The following POLR3A variants were observed in gnomAD, a reference collection of about 807,000 sequenced individuals.
POLR3A encodes the protein RNA polymerase III subunit A, also known as DNA-directed RNA polymerase III subunit RPC1.
In POLR3A, 112 loss-of-function variants were observed where a neutral mutation model predicts 152.8. That is an observed-to-expected ratio of 0.73 (90% confidence interval 0.63 to 0.86). The LOEUF (loss-of-function observed/expected upper bound fraction) is 0.86, where lower values mean the gene tolerates loss of function less well. Ranked by LOEUF, POLR3A falls within the 40% of genes least tolerant of loss-of-function variation. POLR3A has a pLI of 0.00. For synonymous variants in POLR3A, 615 were observed against 652.1 expected, an observed-to-expected ratio of 0.94 and a Z score of 0.87; for missense variants, 1,385 against 1,743.1, an observed-to-expected ratio of 0.79 and a Z score of 3.66.
chr10:78,019,458 T>C, intron 8 of POLR3A, 193 bp from the exon 9 acceptor site: 1 of 607,586 alleles, frequency 1.6e-6, no homozygotes. Flanking sequence ...CAGCTTCCAG[T>C]GTCAACTCAG....
At position 78,019,160 on chromosome 10, in the gene POLR3A, A is replaced by G. The variant is rs1462421304; in HGVS notation, c.1289+2T>C. 6.2e-7 allele frequency: 1 copy of G among 1,603,762 alleles called. No homozygotes were observed. The highest frequency in any genetic ancestry group is 8.5e-7 in the Non-Finnish European group (1 of 1,170,646). On this transcript the variant is annotated splice_donor_variant, in intron 9 of 30. Coordinates refer to ENST00000372371, the MANE Select transcript of POLR3A (RefSeq NM_007055.4). LOFTEE classifies it high-confidence loss of function. ...AATCCAACTAGATTGGGAAAAGATT[A>G]CCTTTTCATCTGCGTATGTCTCTGC...
chr10:78,029,253 G>C, intron 1 of POLR3A, 111 bp downstream of exon 1: 1 of 1,066,896 alleles, frequency 9.4e-7, no homozygotes, highest in Non-Finnish European at 1.5e-6. Flanking sequence ...TGGACTACTG[G>C]CCCTCCCCTT....
At chr10:78,002,332 T>C (rs1420856710) in intron 16 of POLR3A, 24 bp from the exon 17 acceptor site, 2 of 1,404,100 alleles carry the variant, frequency 1.4e-6, no homozygotes, top group Non-Finnish European at 9.9e-7. Flanking sequence ...AGGAGATCCT[T>C]GGTGGGTTGT....
At chr10:78,019,069 G>T in intron 9 of POLR3A, 93 bp downstream of exon 9, 1 of 901,278 alleles carries the variant, frequency 1.1e-6, no homozygotes. Context: ...CACGCAAACT[G>T]TATTTCTGGA....
rs267608673 is a variant in POLR3A at position 78,021,617 on chromosome 10, C to T, written c.1114G>A (p.Asp372Asn). The T allele has an allele frequency of 4.3e-6, 7 of 1,613,954 alleles. No homozygotes were observed. Among genetic ancestry groups the T allele is most frequent in the Admixed American group, 1.7e-5 (1 of 59,980 alleles). ...ACCTCATCAATCCGGAGGTTGGGGT[C>T]GGGCGAGATGACTGTTCTGCCAGAA... ...DFSGRTVISPDPNLRIDEVAV... is the reference protein window; with the variant it reads ...DFSGRTVISPNPNLRIDEVAV... The change falls in exon 8 of 31, where the codon GAC becomes AAC. Residue 372 changes from aspartate to asparagine, a missense_variant. By Grantham distance (23) the Asp-to-Asn change is conservative. Transcript: ENST00000372371.
intron 14 of POLR3A, 31 bp downstream of exon 14, chr10:78,009,505 TC>T: frequency 6.2e-7 from 1 of 1,614,168 alleles, no homozygotes; most frequent in Middle Eastern, 1.7e-4. Flanking sequence ...GTCACGTTCC[TC>T]CTTCTCCCCA....
intron 17 of POLR3A, 25 bp from the exon 18 acceptor site, chr10:78,001,119 A>G (rs1847353026): frequency 8.2e-7 from 1 of 1,223,528 alleles, no homozygotes; most frequent in Non-Finnish European, 1.2e-6. Context: ...CAGAAATGTA[A>G]CATTCATTTA....
chr10:78,007,012 C>T (rs977550213), intron 15 of POLR3A, among the ~76,000 whole-genome samples: 4 of 151,786 alleles, frequency 2.6e-5, no homozygotes, highest in African/African-American at 7.3e-5. Context: ...CGAGAGGCTG[C>T]GTGAGCCAAG....
chr10:78,001,765 A>AG (rs1847359389), intron 17 of POLR3A, among the ~76,000 whole-genome samples: 1 of 152,060 alleles, frequency 6.6e-6, no homozygotes, highest in Admixed American at 6.5e-5. Flanking sequence ...CCTCCTGATT[A>AG]GCTGGGACGA....
chr10:77,993,096 T>G, intron 20 of POLR3A, 101 bp downstream of exon 20: 1 of 883,940 alleles, frequency 1.1e-6, no homozygotes. Flanking sequence ...TTATAAATAC[T>G]GAAGTATTTA....
At chr10:78,027,365 A>G (rs1299946147) in intron 1 of POLR3A, among the ~76,000 whole-genome samples, 1 of 152,236 alleles carries the variant, frequency 6.6e-6, no homozygotes, top group African/African-American at 2.4e-5. Flanking sequence ...ATTTATTTAA[A>G]TAACATAAAT....
rs770126246 is a variant in POLR3A, at chr10:77,981,535, C to T, written c.3784G>A (p.Ala1262Thr). 6.2e-7 allele frequency: 1 copy of T among 1,614,022 alleles called. No homozygotes were observed. Among genetic ancestry groups the T allele is most frequent in the South Asian group, 1.1e-5 (1 of 91,078 alleles). ...YEVEKTLGIE[A>T]ARTTIINEIQ... ...TCATTGATGATCGTTGTCCGGGCGG[C>T]CTCGATGCCCAGAGTTTTCTCCACC... The change falls in exon 29 of 31, where the codon GCC (alanine) becomes ACC (threonine). Residue 1262 changes from alanine (A) to threonine (T), a missense_variant. Transcript: ENST00000372371.
chr10:78,001,952 AT>A (rs976492804), intron 17 of POLR3A, among the ~76,000 whole-genome samples: 2 of 151,182 alleles, frequency 1.3e-5, no homozygotes, highest in Non-Finnish European at 1.5e-5. Flanking sequence ...ATCTGGCCTC[AT>A]TTTTTTTTAA....
intron 10 of POLR3A, 99 bp downstream of exon 10, chr10:78,017,476 G>A: frequency 8.1e-7 from 1 of 1,231,548 alleles, no homozygotes; most frequent in Admixed American, 2.0e-5. Flanking sequence ...GAAAACTTGA[G>A]ATAACAGGCA....
At chr10:77,991,807 G>T (rs1847251058) in intron 20 of POLR3A, among the ~76,000 whole-genome samples, 1 of 152,206 alleles carries the variant, frequency 6.6e-6, no homozygotes, top group Admixed American at 6.5e-5. Flanking sequence ...TTACAAGCGT[G>T]AGCCCCAGCA....
At chr10:78,025,879 A>T (rs907277656) in intron 2 of POLR3A, 120 bp from the exon 3 acceptor site, 15 of 1,171,478 alleles carry the variant, frequency 1.3e-5, no homozygotes, top group African/African-American at 6.1e-5. Flanking sequence ...TTCCTTTCTG[A>T]GATCACTTCC....
intron 10 of POLR3A, among the ~76,000 whole-genome samples, chr10:78,014,182 C>A (rs889586328): frequency 6.6e-5 from 10 of 151,608 alleles, no homozygotes; most frequent in Admixed American, 6.6e-4. Context: ...AAAAAAGACT[C>A]ATTCGAGAAG....
At chr10:78,013,084 G>C (rs910727492) in intron 11 of POLR3A, 1 of 168,522 alleles carries the variant, frequency 5.9e-6, no homozygotes, top group African/African-American at 2.4e-5. Context: ...CACTATCACC[G>C]ATCTCCTGCA....
In POLR3A at chr10:77,977,271, G is replaced by A. The variant is rs540369827; in HGVS notation, c.*207C>T. ...AAACAATAAAACCCTCAGCTCTCCC[G>A]AGCAGCGTGGCACAGTCAGGGTCAC... On this transcript the variant is annotated 3_prime_UTR_variant, in exon 31 of 31. Transcript: ENST00000372371. The A allele has an allele frequency of 1.8e-5, 11 of 619,526 alleles. No individual in the cohort carries two copies. In the Admixed American group the frequency reaches 2.0e-4, roughly 11 times the overall value. 38.4% of individuals were successfully genotyped at this position (619,526 alleles called of 1,614,324 possible). A position where few individuals can be genotyped will look rare whatever the true frequency, so the allele number is the denominator to read the frequency against.
Sources: allele counts gnomAD v4.1 joint callset (sites outside exome capture counted in the v4.1 genomes callset), GRCh38; gene constraint gnomAD v4.1.1; transcripts MANE v1.5; gene names NCBI Gene and HGNC (gene_info 2026-07-23, HGNC 2026-07-21).